Variants in GSG1L observed in about 807,000 individuals in gnomAD.
GSG1L encodes the protein germ cell-specific gene 1-like protein.
Under a neutral mutation model 42.1 loss-of-function variants are expected in GSG1L, and 24 were observed. That is an observed-to-expected ratio of 0.57 (90% CI 0.41 to 0.80). The LOEUF (loss-of-function observed/expected upper bound fraction) is 0.80. Ranked by LOEUF, GSG1L falls within the 30% of genes least tolerant of loss-of-function variation. The pLI is 0.00. For synonymous variants in GSG1L, 215 were observed against 203.5 expected (o/e 1.06, Z -0.48); for missense variants, 445 against 472.2 (o/e 0.94, Z 0.53).
intron 2 of GSG1L, among the ~76,000 whole-genome samples, chr16:27,947,384 A>AAAAGAAAAG (rs1555509990): frequency 6.9e-5 from 9 of 130,678 alleles, no homozygotes; most frequent in Non-Finnish European, 9.4e-5. Flanking sequence ...GAAAGAAAGA[A>AAAAGAAAAG]AAAGAAAGAA....
At position 28,062,618 on chromosome 16, in the gene GSG1L, G is replaced by A. The variant is rs564599014; in HGVS notation, c.349+458C>T. 3.9e-5 allele frequency among the ~76,000 whole-genome samples: 6 copies of A among 152,332 alleles called. No homozygotes were observed. In the East Asian group the frequency reaches 1.2e-3, roughly 29 times the overall value. On this transcript the variant is annotated intron_variant, in intron 1 of 6. Transcript: ENST00000447459. The stretch of plus-strand genomic sequence containing the variant: ...GGTCTGTGGATCTGCGGCAGGAGGG[G>A]CGGCTGGTAGCAGGAGTCCCTGCAT...
chr16:27,831,520 C>G (rs567544373), intron 4 of GSG1L, among the ~76,000 whole-genome samples: 2 of 152,278 alleles, frequency 1.3e-5, no homozygotes, highest in South Asian at 2.1e-4. Context: ...CCTGATGGCC[C>G]AGTCAGGGGA....
At chr16:28,022,153 G>C (rs1482470009) in intron 1 of GSG1L, among the ~76,000 whole-genome samples, 1 of 152,208 alleles carries the variant, frequency 6.6e-6, no homozygotes, top group Non-Finnish European at 1.5e-5. Context: ...CACCAGGATA[G>C]TGGATACGAC....
chr16:28,034,619 A>C (rs926918805), intron 1 of GSG1L, among the ~76,000 whole-genome samples: 3 of 151,998 alleles, frequency 2.0e-5, no homozygotes. Context: ...TGGGGTGACA[A>C]CACAGGCAGG....
chr16:27,803,504 A>G (rs1010858553), intron 6 of GSG1L, among the ~76,000 whole-genome samples: 2 of 151,888 alleles, frequency 1.3e-5, no homozygotes, highest in African/African-American at 4.8e-5. Flanking sequence ...TGGGTGTTCA[A>G]TCATCAAAAT....
At chr16:27,898,674 T>TTCTCTCTC (rs71140920) in intron 2 of GSG1L, among the ~76,000 whole-genome samples, 1 of 147,988 alleles carries the variant, frequency 6.8e-6, no homozygotes, top group Non-Finnish European at 1.5e-5. Context: ...TCCTCCCTCT[T>TTCTCTCTC]TCTCTCTCTC....
At chr16:27,966,333 A>G (rs2085133335) in intron 1 of GSG1L, among the ~76,000 whole-genome samples, 1 of 152,114 alleles carries the variant, frequency 6.6e-6, no homozygotes, top group Non-Finnish European at 1.5e-5. Context: ...GCGAGACCCC[A>G]TTTCTACAAA....
intron 2 of GSG1L, among the ~76,000 whole-genome samples, chr16:27,906,854 G>A (rs2084326190): frequency 6.6e-6 from 1 of 152,102 alleles, no homozygotes; most frequent in African/African-American, 2.4e-5. Context: ...TCCCCTCTGT[G>A]ACATGACTCC....
At chr16:27,995,611 A>C (rs1189689268) in intron 1 of GSG1L, among the ~76,000 whole-genome samples, 1 of 152,012 alleles carries the variant, frequency 6.6e-6, no homozygotes, top group Non-Finnish European at 1.5e-5. Context: ...CACAAAGATA[A>C]TTGTCTCCCC....
intron 1 of GSG1L, among the ~76,000 whole-genome samples, chr16:27,989,838 A>G (rs74579492): frequency 6.6e-6 from 1 of 152,230 alleles, no homozygotes; most frequent in African/African-American, 2.4e-5. Context: ...TGTTATTAAT[A>G]TGTGTCCCAA....
At chr16:27,922,996 C>G (rs913945716) in intron 2 of GSG1L, among the ~76,000 whole-genome samples, 1 of 152,160 alleles carries the variant, frequency 6.6e-6, no homozygotes, top group Non-Finnish European at 1.5e-5. Context: ...CTATATTGCC[C>G]AGGCTGGTCT....
At chr16:28,013,897 C>T (rs1326077798) in intron 1 of GSG1L, among the ~76,000 whole-genome samples, 2 of 152,228 alleles carry the variant, frequency 1.3e-5, no homozygotes, top group African/African-American at 4.8e-5. Flanking sequence ...CATCTCCTGC[C>T]TTCCTATGTG....
At position 27,953,467 on chromosome 16, in the gene GSG1L, C is replaced by T. The variant is rs115564615; in HGVS notation, c.397+9689G>A. ...GCATTGAGGAATGGATTTTAAGCAG[C>T]GCAGACTGGAGTCTGGGAGGCCAAC... On this transcript the variant is annotated intron_variant, in intron 2 of 6. Transcript: ENST00000447459. 8.1e-3 allele frequency among the ~76,000 whole-genome samples: 1,228 copies of T among 152,206 alleles called. 18 individuals carry two copies. The highest frequency in any genetic ancestry group is 0.028 in the African/African-American group (1,149 of 41,500).
intron 6 of GSG1L, among the ~76,000 whole-genome samples, chr16:27,796,958 T>C (rs554790532): frequency 6.6e-6 from 1 of 152,142 alleles, no homozygotes; most frequent in African/African-American, 2.4e-5. Flanking sequence ...GGCACACATA[T>C]GAAGAGATGA....
chr16:28,063,186 C>G lies in GSG1L; in HGVS notation c.239G>C (p.Gly80Ala). 1.5e-6 allele frequency: 2 copies of G among 1,315,582 alleles called. No homozygotes were observed. Among genetic ancestry groups the G allele is most frequent in the South Asian group, 2.1e-5 (1 of 47,370 alleles). The allele number at this position is 1,315,582 out of a possible 1,614,324, so 81.5% of individuals were successfully genotyped here. A position where few individuals can be genotyped will look rare whatever the true frequency, so the allele number is the denominator to read the frequency against. ...GCTGTAGAGCGCGCCGCCAGGGGGG[C>G]CGTTCCCCGAGGCGGTGGCGGCGGC... ...AAAAATASGN[G>A]PPGGALYSWE... The change falls in exon 1 of 7, where the codon GGC becomes GCC. Residue 80 changes from glycine to alanine, a missense_variant. Transcript: ENST00000447459. The surrounding 1 kb of genome is among the most constrained non-coding windows in gnomAD (Gnocchi z 5.8).
chr16:27,925,549 G>A (rs764167804), intron 2 of GSG1L, among the ~76,000 whole-genome samples: 21 of 152,146 alleles, frequency 1.4e-4, no homozygotes, highest in Non-Finnish European at 2.5e-4. Context: ...CTGAGCTTTC[G>A]GGGAGAGAAA....
In GSG1L at chr16:27,884,779, C is replaced by A; in HGVS notation, c.398-141G>T. The A allele has an allele frequency of 2.6e-6, 2 of 782,352 alleles. No individual in the cohort carries two copies. The highest frequency in any genetic ancestry group is 5.7e-5 in the East Asian group (2 of 35,286). 48.5% of individuals were successfully genotyped at this position (782,352 alleles called of 1,614,324 possible). A position where few individuals can be genotyped will look rare whatever the true frequency, so the allele number is the denominator to read the frequency against. On this transcript the variant is annotated intron_variant, in intron 2 of 6. Coordinates refer to ENST00000447459, the MANE Select transcript of GSG1L (RefSeq NM_001109763.2). The surrounding 1 kb of genome is among the most constrained non-coding windows in gnomAD (Gnocchi z 4.4). ...GTTCTGGGGGAGGTCCTGATGGAAG[C>A]CTGTCATGGCCGTCCCATCCTTGTC...
At chr16:27,857,190 G>C (rs1404161132) in intron 3 of GSG1L, among the ~76,000 whole-genome samples, 1 of 152,200 alleles carries the variant, frequency 6.6e-6, no homozygotes, top group Non-Finnish European at 1.5e-5. Flanking sequence ...ACTTTGGGAA[G>C]CCAAGGTGGG....
intron 1 of GSG1L, among the ~76,000 whole-genome samples, chr16:28,049,288 T>C (rs1367417563): frequency 6.6e-6 from 1 of 152,224 alleles, no homozygotes; most frequent in Non-Finnish European, 1.5e-5. Flanking sequence ...CTATGCTAAA[T>C]AGCTAAAATA....
Sources: allele counts gnomAD v4.1 joint callset (sites outside exome capture counted in the v4.1 genomes callset), GRCh38; gene constraint gnomAD v4.1.1; non-coding constraint Gnocchi (gnomAD v3.1); transcripts MANE v1.5; gene names NCBI Gene and HGNC (gene_info 2026-07-23, HGNC 2026-07-21).